MAP2K4: variants seen among roughly 807,000 people sequenced by gnomAD.
MAP2K4 encodes the protein dual specificity mitogen-activated protein kinase kinase 4.
A neutral mutation model predicts 48.5 loss-of-function variants in MAP2K4; 4 were observed. That is an observed-to-expected ratio of 0.08 (90% CI 0.04 to 0.19). The LOEUF is 0.19. MAP2K4 is among the 10% of genes least tolerant of loss of function. MAP2K4 has a pLI of 1.00. For missense variants in MAP2K4, 258 were observed against 493.3 expected, an observed-to-expected ratio of 0.52 and a Z score of 4.52; for synonymous variants, 166 against 173.1, an observed-to-expected ratio of 0.96 and a Z score of 0.32.
rs545219592 is a variant in MAP2K4, at chr17:12,089,004, C to T, written c.394-6571C>T. Among the ~76,000 whole-genome samples, 33 of 151,850 alleles carry T rather than the reference C, an allele frequency of 2.2e-4. No individual in the cohort carries two copies. The East Asian group carries it at 5.6e-3, about 26-fold the overall frequency. On this transcript the variant is annotated intron_variant, in intron 3 of 10. Transcript: ENST00000353533. ...TTGGCTCACTGCAAGCTCCGCCTCC[C>T]GGGTTCACGCCATTCTCCTACCTCA... is the stretch of plus-strand genomic sequence containing the variant.
intron 2 of MAP2K4, among the ~76,000 whole-genome samples, chr17:12,055,916 C>T (rs1028666310): frequency 1.3e-5 from 2 of 152,010 alleles, no homozygotes; most frequent in Admixed American, 1.3e-4. Context: ...TCTCAATTGT[C>T]TATTAATTTT....
At chr17:12,065,258 A>ATATTATTATTAT (rs147921985) in intron 2 of MAP2K4, among the ~76,000 whole-genome samples, 17,079 of 135,974 alleles carry the variant, frequency 0.13, 1,177 homozygotes, top group East Asian at 0.2. Context: ...ATATATACAT[A>ATATTATTATTAT]TATTATTATT....
intron 2 of MAP2K4, among the ~76,000 whole-genome samples, chr17:12,073,934 C>A (rs1046142553): frequency 1.3e-5 from 2 of 151,976 alleles, no homozygotes; most frequent in Non-Finnish European, 2.9e-5. Flanking sequence ...CCACCACGCC[C>A]AGCTAATTTT....
At chr17:12,070,202 ATATT>A (rs1353023062) in intron 2 of MAP2K4, among the ~76,000 whole-genome samples, 3 of 151,952 alleles carry the variant, frequency 2.0e-5, no homozygotes, top group Non-Finnish European at 4.4e-5. Flanking sequence ...GCACAAGAAG[ATATT>A]TATTTATTTA....
chr17:12,056,683 T>C (rs2151527561), intron 2 of MAP2K4, among the ~76,000 whole-genome samples: 1 of 152,208 alleles, frequency 6.6e-6, no homozygotes, highest in South Asian at 2.1e-4. Context: ...ACTACTAGCA[T>C]TGTTACTGGT....
intron 1 of MAP2K4, among the ~76,000 whole-genome samples, chr17:12,053,201 C>T (rs1970194137): frequency 6.6e-6 from 1 of 151,790 alleles, no homozygotes; most frequent in South Asian, 2.1e-4. Context: ...TTGTATATTG[C>T]TGAACCTCTC....
At chr17:12,118,960 CAA>C in intron 7 of MAP2K4, among the ~76,000 whole-genome samples, 1 of 152,132 alleles carries the variant, frequency 6.6e-6, no homozygotes, top group African/African-American at 2.4e-5. Flanking sequence ...CTTTTATATG[CAA>C]AAAATACATC....
chr17:12,077,321 G>T (rs754702628), intron 2 of MAP2K4, among the ~76,000 whole-genome samples: 16 of 152,174 alleles, frequency 1.1e-4, no homozygotes, highest in Admixed American at 3.9e-4. Flanking sequence ...GATGCTGGAG[G>T]TGTCCGGGCA....
At chr17:12,131,749 A>G (rs1973032867) in intron 9 of MAP2K4, among the ~76,000 whole-genome samples, 1 of 152,208 alleles carries the variant, frequency 6.6e-6, no homozygotes, top group African/African-American at 2.4e-5. Flanking sequence ...ATTTCATTAA[A>G]ATTAAGAACT....
At chr17:12,121,080 A>G (rs1183386569) in intron 7 of MAP2K4, among the ~76,000 whole-genome samples, 1 of 152,206 alleles carries the variant, frequency 6.6e-6, no homozygotes, top group East Asian at 1.9e-4. Flanking sequence ...ATGCCCAGCA[A>G]CCACAGATTG....
At chr17:12,134,556 GA>G (rs1973142224) in intron 9 of MAP2K4, among the ~76,000 whole-genome samples, 1 of 152,082 alleles carries the variant, frequency 6.6e-6, no homozygotes, top group Non-Finnish European at 1.5e-5. Context: ...TAAGAGAGAA[GA>G]AAAATCCAAA....
intron 1 of MAP2K4, among the ~76,000 whole-genome samples, chr17:12,027,484 T>TACAC (rs149452854): frequency 6.6e-6 from 1 of 150,762 alleles, no homozygotes; most frequent in Non-Finnish European, 1.5e-5. Flanking sequence ...TATCTGAACA[T>TACAC]ACACACACAC....
At position 12,129,108 on chromosome 17, in the gene MAP2K4, T is replaced by C. The variant is rs761604057; in HGVS notation, c.892-31T>C. The C allele has an allele frequency of 1.1e-5, 18 of 1,608,330 alleles. No individual in the cohort carries two copies. The African/African-American group carries it at 1.5e-4, about 13-fold the overall frequency. On this transcript the variant is annotated intron_variant, in intron 8 of 10. Transcript: ENST00000353533. ...GGGGAGTAGTAAATGATGCCTGGTGTATTTTGCTCTTTCCTCTTTGTTCTC... is the reference window on the plus strand; with the variant it reads ...GGGGAGTAGTAAATGATGCCTGGTGCATTTTGCTCTTTCCTCTTTGTTCTC...
chr17:12,131,643 A>G (rs1973028074), intron 9 of MAP2K4, among the ~76,000 whole-genome samples: 1 of 152,088 alleles, frequency 6.6e-6, no homozygotes, highest in Non-Finnish European at 1.5e-5. Context: ...ACAGGATAAT[A>G]TGGGAGAATG....
At chr17:12,137,440 GT>G (rs1973241859) in intron 9 of MAP2K4, among the ~76,000 whole-genome samples, 1 of 152,170 alleles carries the variant, frequency 6.6e-6, no homozygotes, top group Non-Finnish European at 1.5e-5. Flanking sequence ...AAATAAAGTG[GT>G]TGGAAATAGA....
At chr17:12,078,137 G>A (rs1310521854) in intron 2 of MAP2K4, among the ~76,000 whole-genome samples, 1 of 152,188 alleles carries the variant, frequency 6.6e-6, no homozygotes, top group South Asian at 2.1e-4. Flanking sequence ...TAGCCTTTTA[G>A]CTGGGTGCAT....
At chr17:12,052,538 G>A (rs1970173376) in intron 1 of MAP2K4, among the ~76,000 whole-genome samples, 1 of 152,026 alleles carries the variant, frequency 6.6e-6, no homozygotes, top group Admixed American at 6.6e-5. Flanking sequence ...CCGTCAAATT[G>A]GGCTTTCTAA....
intron 9 of MAP2K4, among the ~76,000 whole-genome samples, chr17:12,137,255 A>G (rs1458734746): frequency 5.9e-5 from 9 of 152,254 alleles, no homozygotes; most frequent in Non-Finnish European, 2.9e-5. Context: ...TCTGCAAATC[A>G]TAATTCTTGA....
chr17:12,120,690 C>CAGTT (rs1972660461), intron 7 of MAP2K4, among the ~76,000 whole-genome samples: 1 of 152,018 alleles, frequency 6.6e-6, no homozygotes, highest in African/African-American at 2.4e-5. Flanking sequence ...GTTAATGAGG[C>CAGTT]AGTTGACTAG....
Sources: allele counts gnomAD v4.1 joint callset (sites outside exome capture counted in the v4.1 genomes callset), GRCh38; gene constraint gnomAD v4.1.1; transcripts MANE v1.5; gene names NCBI Gene and HGNC (gene_info 2026-07-23, HGNC 2026-07-21).